The following CPPED1 variants were observed in gnomAD, a reference collection of about 807,000 sequenced individuals.
CPPED1 encodes calcineurin like phosphoesterase domain containing 1, also known as serine/threonine-protein phosphatase CPPED1.
In CPPED1, 28 loss-of-function variants were observed where a neutral mutation model predicts 28.0. The observed-to-expected ratio is 1.00, with a 90% CI of 0.74 to 1.37. The LOEUF is 1.37. Among genes scored for constraint, CPPED1 ranks in the 40% most tolerant of loss-of-function variants. CPPED1 has a pLI of 0.00. For missense variants in CPPED1, 504 were observed against 416.5 expected, an observed-to-expected ratio of 1.21 and a Z score of -1.83; for synonymous variants, 198 against 180.2, an observed-to-expected ratio of 1.10 and a Z score of -0.79.
chr16:12,711,913 C>A (rs149677187), intron 2 of CPPED1, among the ~76,000 whole-genome samples: 1 of 152,148 alleles, frequency 6.6e-6, no homozygotes, highest in Non-Finnish European at 1.5e-5. Context: ...TTTCTAACAG[C>A]CCCCTACCCA....
At position 12,665,054 on chromosome 16, in the gene CPPED1, G is replaced by T; in HGVS notation, c.777C>A (p.Leu259=). 6.2e-7 allele frequency: 1 copy of T among 1,609,852 alleles called. No homozygotes were observed. Among genetic ancestry groups the T allele is most frequent in the Non-Finnish European group, 8.5e-7 (1 of 1,178,742 alleles). Residue 259 remains leucine, a synonymous_variant, in exon 4 of 4, where the codon CTC becomes CTA. Coordinates refer to ENST00000381774, the MANE Select transcript of CPPED1 (RefSeq NM_018340.3). The stretch of plus-strand genomic sequence containing the variant: ...CAATGGCAGATGACACCACCATGTC[G>T]AGGTTCTGGTAGGTACCCCCGGCAT... ...HRNAGGTYQN[L]DMVVSSAIGC...
intron 2 of CPPED1, among the ~76,000 whole-genome samples, chr16:12,762,884 C>T (rs1044516192): frequency 2.6e-5 from 4 of 151,876 alleles, no homozygotes; most frequent in African/African-American, 9.7e-5. Flanking sequence ...GCTGGGACTA[C>T]AGGTACACAC....
At chr16:12,796,468 C>A (rs1009887966) in intron 1 of CPPED1, among the ~76,000 whole-genome samples, 1 of 152,198 alleles carries the variant, frequency 6.6e-6, no homozygotes, top group Non-Finnish European at 1.5e-5. Context: ...GCACTCCAGC[C>A]TGGGCGACAG....
intron 3 of CPPED1, among the ~76,000 whole-genome samples, chr16:12,671,888 G>A (rs987609354): frequency 1.3e-5 from 2 of 151,824 alleles, no homozygotes; most frequent in African/African-American, 2.4e-5. Flanking sequence ...TACCATGGAC[G>A]TTTTAGTCAG....
At chr16:12,683,039 C>T (rs1469299158) in intron 3 of CPPED1, among the ~76,000 whole-genome samples, 1 of 152,190 alleles carries the variant, frequency 6.6e-6, no homozygotes, top group African/African-American at 2.4e-5. Context: ...ACGTGGCGGC[C>T]AGCCACGGAA....
intron 2 of CPPED1, among the ~76,000 whole-genome samples, chr16:12,721,024 T>C (rs2080137252): frequency 6.6e-6 from 1 of 152,232 alleles, no homozygotes; most frequent in Non-Finnish European, 1.5e-5. Context: ...GGATGAGCTC[T>C]TGGCCACAAA....
At chr16:12,774,449 C>A (rs1204950253) in intron 2 of CPPED1, among the ~76,000 whole-genome samples, 2 of 150,494 alleles carry the variant, frequency 1.3e-5, no homozygotes, top group Non-Finnish European at 2.9e-5. Context: ...GCCTGGGGGA[C>A]AGAGTGAGAC....
intron 3 of CPPED1, among the ~76,000 whole-genome samples, chr16:12,691,327 G>A (rs976081198): frequency 6.6e-6 from 1 of 152,126 alleles, no homozygotes; most frequent in African/African-American, 2.4e-5. Context: ...CTGTCACCCA[G>A]GCTAGTGGCG....
intron 1 of CPPED1, 52 bp downstream of exon 1, chr16:12,803,655 G>A: frequency 7.3e-7 from 1 of 1,376,444 alleles, no homozygotes; most frequent in South Asian, 1.5e-5. Flanking sequence ...TTCCCCCGGC[G>A]GAAGGTTCCG....
At chr16:12,790,686 C>T (rs575997583) in intron 1 of CPPED1, among the ~76,000 whole-genome samples, 5 of 151,930 alleles carry the variant, frequency 3.3e-5, no homozygotes, top group African/African-American at 7.2e-5. Flanking sequence ...TTTGGGAGGC[C>T]GAGTGGCGGG....
chr16:12,719,992 C>T (rs762386352), intron 2 of CPPED1, among the ~76,000 whole-genome samples: 22 of 151,998 alleles, frequency 1.4e-4, no homozygotes, highest in Non-Finnish European at 2.9e-4. Context: ...ATTATATGTC[C>T]ATTACACTAT....
chr16:12,692,646 G>C (rs2079969636), intron 3 of CPPED1, among the ~76,000 whole-genome samples: 1 of 152,172 alleles, frequency 6.6e-6, no homozygotes, highest in Non-Finnish European at 1.5e-5. Context: ...TTGCGGTGGA[G>C]GTTTGCCACA....
rs1473335712 is a variant in CPPED1, at chr16:12,670,562, C to T, written c.716-5447G>A. ...GAAGAAACTGGACAAACACCAAAAGCGATAAGTCACATGATTAGTATGTGC... is the reference window on the plus strand; with the variant it reads ...GAAGAAACTGGACAAACACCAAAAGTGATAAGTCACATGATTAGTATGTGC... On this transcript the variant is annotated intron_variant, in intron 3 of 3. Transcript: ENST00000381774. This position sits in a 1 kb window ranked among gnomAD's most constrained non-coding sequence, Gnocchi z 4.2. Among the ~76,000 whole-genome samples, 4 of 151,702 alleles carry T rather than the reference C, an allele frequency of 2.6e-5. No individual in the cohort carries two copies. The highest frequency in any genetic ancestry group is 4.8e-5 in the African/African-American group (2 of 41,294).
chr16:12,772,703 A>G (rs1477585288), intron 2 of CPPED1, among the ~76,000 whole-genome samples: 2 of 152,244 alleles, frequency 1.3e-5, no homozygotes, highest in African/African-American at 4.8e-5. Context: ...GAATGACATT[A>G]AATCAGAAAA....
chr16:12,731,307 C>T (rs1336545908), intron 2 of CPPED1, among the ~76,000 whole-genome samples: 3 of 151,438 alleles, frequency 2.0e-5, no homozygotes, highest in South Asian at 2.1e-4. Flanking sequence ...GCACCCGCCA[C>T]CACGCCTGGC....
chr16:12,707,838 A>T (rs2080059615), intron 2 of CPPED1, among the ~76,000 whole-genome samples: 1 of 152,098 alleles, frequency 6.6e-6, no homozygotes, highest in Non-Finnish European at 1.5e-5. Context: ...TCTTCCCTAA[A>T]TTTCCTTCAG....
intron 2 of CPPED1, among the ~76,000 whole-genome samples, chr16:12,750,154 T>A (rs2080318320): frequency 6.6e-6 from 1 of 152,210 alleles, no homozygotes; most frequent in Non-Finnish European, 1.5e-5. Flanking sequence ...ATATCAGCAA[T>A]AAGGCTGTTT....
intron 3 of CPPED1, among the ~76,000 whole-genome samples, chr16:12,686,587 T>G (rs899515752): frequency 2.0e-5 from 3 of 152,194 alleles, no homozygotes; most frequent in Admixed American, 2.0e-4. Flanking sequence ...GACCAAAGCA[T>G]GCACAGGTCC....
In CPPED1 at chr16:12,734,043, G is replaced by A. The variant is rs143505100; in HGVS notation, c.290-28994C>T. Among the ~76,000 whole-genome samples the A allele has an allele frequency of 2.2e-3, 194 of 89,566 alleles. 1 individual carries two copies. The highest frequency in any genetic ancestry group is 8.4e-3 in the African/African-American group (173 of 20,564). The allele number at this position is 89,566 out of a possible 152,430, so 58.8% of individuals were successfully genotyped here. The stretch of plus-strand genomic sequence containing the variant: ...AGGACAATAATTTGTCTTTGTCTCT[G>A]TTTTCAAATTACACGTTTTTTTTTT... On this transcript the variant is annotated intron_variant, in intron 2 of 3. Coordinates refer to ENST00000381774, the MANE Select transcript of CPPED1 (RefSeq NM_018340.3).
Sources: gnomAD v4.1 joint callset for allele counts (sites outside exome capture counted in the v4.1 genomes callset) on GRCh38, gnomAD v4.1.1 for gene constraint, Gnocchi (gnomAD v3.1) non-coding constraint, MANE v1.5 for transcripts, NCBI Gene and HGNC (gene_info 2026-07-23, HGNC 2026-07-21) for gene names.